Variants in GPT2 observed in about 807,000 individuals in gnomAD.
GPT2 encodes the protein glutamic--pyruvic transaminase 2.
In GPT2, 30 loss-of-function variants were observed where a neutral mutation model predicts 56.9. The ratio of observed to expected loss-of-function variants is 0.53; its 90% CI spans 0.39 to 0.72. The LOEUF is 0.72. Among genes scored for constraint, GPT2 ranks in the 30% least tolerant of loss-of-function variants. GPT2 has a pLI of 0.00. For synonymous variants in GPT2, 271 were observed against 283.1 expected, an observed-to-expected ratio of 0.96 and a Z score of 0.43; for missense variants, 542 against 703.4, an observed-to-expected ratio of 0.77 and a Z score of 2.60.
rs150249768 is a variant in GPT2, at chr16:46,924,460, A to G, written c.1284A>G (p.Pro428=). ...KLTEDLFNQV[P]GIHCNPLQGA... is the part of the protein sequence containing the mutation. ...CGGAAGACCTGTTTAACCAAGTCCC[A>G]GGAATTCACTGCAACCCCTTGCAGG... is the stretch of plus-strand genomic sequence containing the variant. Residue 428 remains proline, a synonymous_variant, in exon 10 of 12, where the codon CCA becomes CCG. Transcript: ENST00000340124. 1.0e-3 allele frequency: 1,636 copies of G among 1,614,122 alleles called. 2 individuals carry two copies. The highest frequency in any genetic ancestry group is 1.3e-3 in the Non-Finnish European group (1,568 of 1,180,034).
At chr16:46,920,800 T>C (rs1303748713) in intron 8 of GPT2, among the ~76,000 whole-genome samples, 1 of 152,088 alleles carries the variant, frequency 6.6e-6, no homozygotes, top group African/African-American at 2.4e-5. Context: ...TCTGTAGCTC[T>C]TTTCCTAAAC....
chr16:46,927,829 T>C (rs1961448184), intron 11 of GPT2, among the ~76,000 whole-genome samples: 1 of 152,008 alleles, frequency 6.6e-6, no homozygotes, highest in African/African-American at 2.4e-5. Flanking sequence ...GCAAGAGGGC[T>C]GCCAGGAAGG....
intron 6 of GPT2, among the ~76,000 whole-genome samples, chr16:46,911,384 T>A (rs1016383720): frequency 6.6e-5 from 10 of 152,140 alleles, no homozygotes; most frequent in African/African-American, 2.4e-4. Context: ...CTCGGGAACA[T>A]CAAATGATGC....
chr16:46,916,399 C>G, intron 6 of GPT2: 2 of 483,954 alleles, frequency 4.1e-6, no homozygotes, highest in Non-Finnish European at 7.5e-6. Context: ...CCTTCTCCCT[C>G]GCATAACTGG....
chr16:46,909,612 G>T (rs1350446656), intron 5 of GPT2, 72 bp from the exon 6 acceptor site: 46 of 1,555,556 alleles, frequency 3.0e-5, no homozygotes, highest in Non-Finnish European at 3.9e-5. Flanking sequence ...CATGCAGTGG[G>T]GCCACGGGTG....
In GPT2 at chr16:46,918,675, G is replaced by A. The variant is rs774075070; in HGVS notation, c.955G>A (p.Val319Met). 5.8e-5 allele frequency: 94 copies of A among 1,614,072 alleles called. No individual in the cohort carries two copies. The highest frequency in any genetic ancestry group is 3.3e-4 in the Middle Eastern group (2 of 6,084). Residue 319 changes from valine to methionine, a missense_variant, in exon 8 of 12, where the codon GTG becomes ATG. Val to Met is a conservative substitution (Grantham distance 21, BLOSUM62 1). Coordinates refer to ENST00000340124, the MANE Select transcript of GPT2 (RefSeq NM_133443.4). ...PDCRFHSFKK[V>M]LYEMGPEYSS... ...TTGCAGATTCCACTCCTTCAAGAAG[G>A]TGCTGTACGAGATGGGGCCCGAGTA...
At chr16:46,920,478 G>A (rs56824628) in intron 8 of GPT2, among the ~76,000 whole-genome samples, 13,454 of 152,318 alleles carry the variant, frequency 0.088, 644 homozygotes, top group African/African-American at 0.13. Flanking sequence ...ACTGCTAGGA[G>A]GTTAGGGGAA....
rs577109516 is a variant in GPT2, at chr16:46,890,848, G to A, written c.243+5890G>A. On this transcript the variant is annotated intron_variant, in intron 2 of 11. Transcript: ENST00000340124. ...AGCAAATTTCAAGTAAAAAATACAGGTTTTTTGTTTTGGCTTTTTTTGTTG... is the reference window on the plus strand; with the variant it reads ...AGCAAATTTCAAGTAAAAAATACAGATTTTTTGTTTTGGCTTTTTTTGTTG... Among the ~76,000 whole-genome samples, 9 of 152,218 alleles carry A rather than the reference G, an allele frequency of 5.9e-5. No homozygotes were observed. In the South Asian group the frequency reaches 1.7e-3, roughly 28 times the overall value.
rs1347492440 is a variant in GPT2 at position 46,930,812 on chromosome 16, TACA to T, written c.*1818_*1820del. On this transcript the variant is annotated 3_prime_UTR_variant, in exon 12 of 12. Coordinates refer to ENST00000340124, the MANE Select transcript of GPT2 (RefSeq NM_133443.4). ...GATTATAAACAGCCCCTAAAAACTT[TACA>T]ACGTTTACACAGTTTTTTAAAAAGA... The T allele has an allele frequency of 1.3e-5, 2 of 152,656 alleles. No individual in the cohort carries two copies. The highest frequency in any genetic ancestry group is 1.3e-4 in the Admixed American group (2 of 15,276). The allele number at this position is 152,656 out of a possible 1,614,324, so 9.5% of individuals were successfully genotyped here.
intron 3 of GPT2, among the ~76,000 whole-genome samples, 182 bp from the exon 4 acceptor site, chr16:46,900,500 C>A (rs1555484905): frequency 6.6e-6 from 1 of 152,208 alleles, no homozygotes; most frequent in Non-Finnish European, 1.5e-5. Context: ...TTCTCCCCTT[C>A]TGCTGCAGAG....
intron 2 of GPT2, among the ~76,000 whole-genome samples, chr16:46,891,350 C>G (rs1486355873): frequency 2.0e-5 from 3 of 152,050 alleles, no homozygotes; most frequent in African/African-American, 4.8e-5. Context: ...TCAGGTGATT[C>G]TCTTGCCTCA....
At chr16:46,905,408 G>A (rs1219241192) in intron 4 of GPT2, among the ~76,000 whole-genome samples, 2 of 152,200 alleles carry the variant, frequency 1.3e-5, no homozygotes, top group East Asian at 3.8e-4. Flanking sequence ...GATGCATGCT[G>A]AGGCCCCAGA....
At chr16:46,908,814 GGAAA>G (rs1960987690) in intron 5 of GPT2, among the ~76,000 whole-genome samples, 1 of 152,152 alleles carries the variant, frequency 6.6e-6, no homozygotes, top group Non-Finnish European at 1.5e-5. Flanking sequence ...AAGATTCAGT[GGAAA>G]GAATCAAGTC....
chr16:46,885,402 G>T lies in GPT2; in HGVS notation c.243+444G>T, dbSNP rs569537035. ...TTTTAGGTAGGAGGGGAGACGGGGTGGGGGGGGCTCTGCGGAAAGTTGGTT... is the reference window on the plus strand; with the variant it reads ...TTTTAGGTAGGAGGGGAGACGGGGTTGGGGGGGCTCTGCGGAAAGTTGGTT... On this transcript the variant is annotated intron_variant, in intron 2 of 11. Transcript: ENST00000340124. 2.4e-4 allele frequency: 194 copies of T among 821,620 alleles called. 2 individuals are homozygous for T. The Admixed American group carries it at 2.5e-3, about 11-fold the overall frequency. The allele number at this position is 821,620 out of a possible 1,614,324, so 50.9% of individuals were successfully genotyped here.
intron 10 of GPT2, 118 bp downstream of exon 10, chr16:46,924,662 G>C: frequency 4.0e-6 from 4 of 1,008,582 alleles, no homozygotes; most frequent in Non-Finnish European, 6.0e-6. Flanking sequence ...GGAACTGTAT[G>C]CACCTCTCGG....
chr16:46,900,796 G>A lies in GPT2; in HGVS notation c.442+6G>A. Reference sequence around the variant, plus strand: ...TTGTGGCGGGAACAGCCTGGGTGAGGCCCCAACTTGCCAGGCCCCTAGGCG... The same window carrying A: ...TTGTGGCGGGAACAGCCTGGGTGAGACCCCAACTTGCCAGGCCCCTAGGCG... On this transcript the variant is annotated splice_donor_region_variant and intron_variant, in intron 4 of 11. Transcript: ENST00000340124. 6 of 1,611,994 alleles carry A rather than the reference G, an allele frequency of 3.7e-6. No individual in the cohort carries two copies. Among genetic ancestry groups the A allele is most frequent in the Non-Finnish European group, 5.1e-6 (6 of 1,178,226 alleles).
Position 46,900,681 on chromosome 16 carries a change from G to A in GPT2, c.334-1G>A. On this transcript the variant is annotated splice_acceptor_variant, in intron 3 of 11. Coordinates refer to ENST00000340124, the MANE Select transcript of GPT2 (RefSeq NM_133443.4). LOFTEE classifies it high-confidence loss of function. Reference sequence around the variant, plus strand: ...GCTCAGCCTGTGTCTTGTTCCCCCAGGTGATGGCACTATGCACCTACCCAA... The same window carrying A: ...GCTCAGCCTGTGTCTTGTTCCCCCAAGTGATGGCACTATGCACCTACCCAA... 1 of 1,612,784 alleles carries A rather than the reference G, an allele frequency of 6.2e-7. No homozygotes were observed. Among genetic ancestry groups the A allele is most frequent in the African/African-American group, 1.3e-5 (1 of 74,998 alleles).
At chr16:46,906,091 A>G (rs1596870928) in intron 4 of GPT2, among the ~76,000 whole-genome samples, 3 of 151,430 alleles carry the variant, frequency 2.0e-5, no homozygotes, top group Non-Finnish European at 4.4e-5. Context: ...ATTTTTATTT[A>G]TTTTTTTGAG....
At chr16:46,886,942 C>G (rs1307421944) in intron 2 of GPT2, among the ~76,000 whole-genome samples, 1 of 152,214 alleles carries the variant, frequency 6.6e-6, no homozygotes, top group Non-Finnish European at 1.5e-5. Context: ...TTCTCATTCT[C>G]TTCTCACTGT....
Sources: gnomAD v4.1 joint callset for allele counts (sites outside exome capture counted in the v4.1 genomes callset) on GRCh38, gnomAD v4.1.1 for gene constraint, MANE v1.5 for transcripts, NCBI Gene and HGNC (gene_info 2026-07-23, HGNC 2026-07-21) for gene names.